Variants in POLK observed in about 807,000 individuals in gnomAD.
The protein encoded by POLK is DNA polymerase kappa.
In POLK, 76 loss-of-function variants were observed where a neutral mutation model predicts 94.0. That is an observed-to-expected ratio of 0.81 (90% CI 0.67 to 0.98). The LOEUF (loss-of-function observed/expected upper bound fraction) is 0.98, where lower values mean the gene tolerates loss of function less well. POLK is among the 50% of genes least tolerant of loss of function. POLK has a pLI of 0.00. For synonymous variants in POLK, 349 were observed against 325.4 expected (o/e 1.07, Z -0.78); for missense variants, 954 against 1,010.1 (o/e 0.94, Z 0.75).
chr5:75,566,778 C>T (rs1771298920), intron 3 of POLK, among the ~76,000 whole-genome samples: 1 of 152,200 alleles, frequency 6.6e-6, no homozygotes, highest in Non-Finnish European at 1.5e-5. Flanking sequence ...CTGCCTTGGT[C>T]TCACTGGGAG....
At chr5:75,587,275 T>C (rs936803849) in intron 10 of POLK, among the ~76,000 whole-genome samples, 3 of 152,210 alleles carry the variant, frequency 2.0e-5, no homozygotes, top group Non-Finnish European at 2.9e-5. Context: ...TATTTTTTAA[T>C]GTTGGTTTTA....
chr5:75,596,640 A>G, exon 13 of POLK: 1 of 1,614,094 alleles, frequency 6.2e-7, no homozygotes, highest in Non-Finnish European at 8.5e-7. Flanking sequence ...GTCTTGATGG[A>G]CCTTCAATCA....
chr5:75,570,906 C>G (rs1282113257), intron 4 of POLK, among the ~76,000 whole-genome samples: 1 of 152,060 alleles, frequency 6.6e-6, no homozygotes, highest in South Asian at 2.1e-4. Flanking sequence ...GCTGATAAGT[C>G]TGATTCCAAA....
intron 1 of POLK, among the ~76,000 whole-genome samples, chr5:75,543,003 GC>G (rs1249508164): frequency 7.3e-6 from 1 of 137,654 alleles, no homozygotes; most frequent in Non-Finnish European, 1.6e-5. Context: ...GAGCCACCGC[GC>G]CCAGCCTTAT....
chr5:75,542,070 A>G (rs1032083306), intron 1 of POLK, among the ~76,000 whole-genome samples: 1 of 152,226 alleles, frequency 6.6e-6, no homozygotes, highest in African/African-American at 2.4e-5. Flanking sequence ...AAATTTATAG[A>G]GAATAACGAG....
chr5:75,602,865 G>C (rs548375588), downstream of POLK, among the ~76,000 whole-genome samples: 1 of 152,256 alleles, frequency 6.6e-6, no homozygotes, highest in Admixed American at 6.5e-5. Context: ...ATTATAAGAA[G>C]TATTTATAAA....
intron 1 of POLK, among the ~76,000 whole-genome samples, chr5:75,533,706 T>A (rs952369124): frequency 5.3e-5 from 8 of 152,254 alleles, no homozygotes; most frequent in Non-Finnish European, 1.2e-4. Flanking sequence ...CAATGTTGAT[T>A]CATTCTATCC....
chr5:75,576,857 G>A, exon 6 of POLK: 1 of 1,562,076 alleles, frequency 6.4e-7, no homozygotes, highest in South Asian at 1.2e-5. Flanking sequence ...ATATAACAAA[G>A]CACTTAGAAG....
At chr5:75,526,583 T>G (rs1171150827) in intron 1 of POLK, among the ~76,000 whole-genome samples, 1 of 147,674 alleles carries the variant, frequency 6.8e-6, no homozygotes, top group Non-Finnish European at 1.5e-5. Flanking sequence ...TGTTTTTTTT[T>G]TTTTCTTTTT....
At chr5:75,557,857 T>G (rs1172713636) in intron 3 of POLK, among the ~76,000 whole-genome samples, 1 of 152,184 alleles carries the variant, frequency 6.6e-6, no homozygotes, top group Non-Finnish European at 1.5e-5. Flanking sequence ...TGGGATGACC[T>G]CAGCTCACTG....
At chr5:75,561,320 C>T (rs1427363919) in intron 3 of POLK, among the ~76,000 whole-genome samples, 1 of 152,052 alleles carries the variant, frequency 6.6e-6, no homozygotes, top group Non-Finnish European at 1.5e-5. Context: ...TGAAGTGTCT[C>T]TTCATATCCT....
chr5:75,577,990 G>A (rs963799519), intron 6 of POLK, among the ~76,000 whole-genome samples: 3 of 152,028 alleles, frequency 2.0e-5, no homozygotes, highest in African/African-American at 4.8e-5. Flanking sequence ...ATGTCACTTT[G>A]TATAAAATCT....
At chr5:75,511,593 C>CG, upstream of POLK, 1 of 1,466,068 alleles carries the variant, frequency 6.8e-7, no homozygotes, top group African/African-American at 1.4e-5. Flanking sequence ...CTCACACCTC[C>CG]GCTACCGCCG....
chr5:75,549,618 G>T (rs1446632597), intron 2 of POLK, among the ~76,000 whole-genome samples: 1 of 151,924 alleles, frequency 6.6e-6, no homozygotes, highest in Non-Finnish European at 1.5e-5. Context: ...AGTGCATGAG[G>T]TGAGTTTATC....
chr5:75,590,280 C>A, intron 10 of POLK, 64 bp from the exon 11 acceptor site: 1 of 821,938 alleles, frequency 1.2e-6, no homozygotes, highest in South Asian at 2.2e-5. Flanking sequence ...AACATGCATA[C>A]CATTTCCAAA....
At chr5:75,598,632 ATATT>A (rs1773207746) in exon 15 of POLK, 1 of 152,570 alleles carries the variant, frequency 6.6e-6, no homozygotes. Flanking sequence ...AGTTTTTAAA[ATATT>A]TAGTCTAAGA....
exon 4 of POLK, chr5:75,569,354 A>T (rs1230968639): frequency 6.2e-7 from 1 of 1,607,334 alleles, no homozygotes. Context: ...ACAGATTTGC[A>T]ATGGAATTAG....
At chr5:75,576,714 G>A (rs1228091425) in intron 5 of POLK, 66 bp from the exon 6 acceptor site, 35 of 721,206 alleles carry the variant, frequency 4.9e-5, no homozygotes, top group Admixed American at 3.7e-4. Context: ...TTTCTTATCA[G>A]CTACATATGA....
the POLK span, chr5:75,608,789 G>A: frequency 1.3e-5 from 2 of 152,240 alleles, no homozygotes; most frequent in African/African-American, 2.4e-5. Context: ...AATAGAAGCT[G>A]ATGGCTCTCC....
Sources: gnomAD v4.1 joint callset for allele counts (sites outside exome capture counted in the v4.1 genomes callset) on GRCh38, gnomAD v4.1.1 for gene constraint, MANE v1.5 for transcripts, NCBI Gene and HGNC (gene_info 2026-07-23, HGNC 2026-07-21) for gene names.